Variants in CCDC60 observed in about 807,000 individuals in gnomAD.
The protein encoded by CCDC60 is coiled-coil domain containing 60.
In CCDC60, 54 loss-of-function variants were observed where a neutral mutation model predicts 63.5. The ratio of observed to expected loss-of-function variants is 0.85; its 90% CI spans 0.68 to 1.07. The LOEUF (loss-of-function observed/expected upper bound fraction) is 1.07, where lower values mean the gene tolerates loss of function less well. Ranked by LOEUF, CCDC60 falls within the 50% of genes least tolerant of loss-of-function variation. CCDC60 has a pLI of 0.00. For synonymous variants in CCDC60, 206 were observed against 238.8 expected, an observed-to-expected ratio of 0.86 and a Z score of 1.27; for missense variants, 651 against 684.3, an observed-to-expected ratio of 0.95 and a Z score of 0.54.
At chr12:119,461,662 C>G (rs1950859181) in intron 2 of CCDC60, among the ~76,000 whole-genome samples, 1 of 152,226 alleles carries the variant, frequency 6.6e-6, no homozygotes, top group African/African-American at 2.4e-5. Flanking sequence ...TTTTCCTCCT[C>G]TTGCCTGATG....
chr12:119,471,355 A>G (rs2070694142), intron 2 of CCDC60, among the ~76,000 whole-genome samples: 1 of 152,250 alleles, frequency 6.6e-6, no homozygotes, highest in Admixed American at 6.5e-5. Context: ...AAGAGAGGGC[A>G]GCCTTAGCCA....
intron 7 of CCDC60, among the ~76,000 whole-genome samples, chr12:119,507,060 G>T (rs1952025306): frequency 6.6e-6 from 1 of 152,146 alleles, no homozygotes; most frequent in African/African-American, 2.4e-5. Context: ...AGACAACACT[G>T]GCGGCCAGTG....
At chr12:119,360,285 C>CAGG (rs1266626444) in intron 1 of CCDC60, among the ~76,000 whole-genome samples, 1 of 144,828 alleles carries the variant, frequency 6.9e-6, no homozygotes, top group East Asian at 2.2e-4. Flanking sequence ...GCTGGCCGGG[C>CAGG]AGGGGGCTGA....
At position 119,409,690 on chromosome 12, in the gene CCDC60, G is replaced by A. The variant is rs548417605; in HGVS notation, c.91-18993G>A. 6.6e-5 allele frequency among the ~76,000 whole-genome samples: 10 copies of A among 152,250 alleles called. No individual in the cohort carries two copies. The East Asian group carries it at 1.4e-3, about 21-fold the overall frequency. ...TAATAAAACTTTATTTACAGAAACA[G>A]GCAGGCTTTTCCGTATCTTCTTGGT... is the stretch of plus-strand genomic sequence containing the variant. On this transcript the variant is annotated intron_variant, in intron 1 of 13. Coordinates refer to ENST00000327554, the MANE Select transcript of CCDC60 (RefSeq NM_178499.5).
At chr12:119,509,644 AATGATG>A (rs60115763) in intron 7 of CCDC60, among the ~76,000 whole-genome samples, 41 of 150,934 alleles carry the variant, frequency 2.7e-4, no homozygotes, top group African/African-American at 6.3e-4. Context: ...TTTTCTTTAG[AATGATG>A]ATGATGATGA....
At chr12:119,385,504 G>A (rs1227399332) in intron 1 of CCDC60, among the ~76,000 whole-genome samples, 4 of 152,152 alleles carry the variant, frequency 2.6e-5, no homozygotes, top group East Asian at 1.9e-4. Context: ...CACTTGGCTC[G>A]CATTCTTTCT....
At chr12:119,536,847 T>A (rs1331287035) in intron 13 of CCDC60, among the ~76,000 whole-genome samples, 2 of 152,196 alleles carry the variant, frequency 1.3e-5, no homozygotes, top group East Asian at 3.9e-4. Flanking sequence ...CTTAACATTT[T>A]TTCCTTCATT....
chr12:119,482,843 A>G (rs1342231062), intron 4 of CCDC60, among the ~76,000 whole-genome samples: 2 of 152,026 alleles, frequency 1.3e-5, no homozygotes, highest in African/African-American at 4.8e-5. Context: ...CTGATCTCGA[A>G]TGGTCTCATT....
chr12:119,414,953 T>G (rs1361122188), intron 1 of CCDC60, among the ~76,000 whole-genome samples: 1 of 152,256 alleles, frequency 6.6e-6, no homozygotes, highest in African/African-American at 2.4e-5. Context: ...CATTTCTCCT[T>G]CTGTAAAAGG....
At chr12:119,537,570 T>C (rs1040326735) in intron 13 of CCDC60, among the ~76,000 whole-genome samples, 1 of 152,258 alleles carries the variant, frequency 6.6e-6, no homozygotes, top group African/African-American at 2.4e-5. Flanking sequence ...TGGTCTTTGT[T>C]GGTGGTGACC....
intron 2 of CCDC60, among the ~76,000 whole-genome samples, chr12:119,436,521 C>T (rs945921164): frequency 1.2e-4 from 18 of 147,822 alleles, no homozygotes; most frequent in Middle Eastern, 3.4e-3. Flanking sequence ...GCAAGCGAGT[C>T]CCCTTGAGTG....
chr12:119,364,340 C>A (rs1464056875), intron 1 of CCDC60, among the ~76,000 whole-genome samples: 2 of 152,156 alleles, frequency 1.3e-5, no homozygotes, highest in African/African-American at 4.8e-5. Flanking sequence ...TTTTTATAGT[C>A]CCCAAAAGAC....
Position 119,540,748 on chromosome 12 carries a change from A to G in CCDC60, c.*33A>G, listed in dbSNP as rs1953140753. The G allele has an allele frequency of 1.4e-6, 2 of 1,450,136 alleles. No individual in the cohort carries two copies. The highest frequency in any genetic ancestry group is 1.9e-6 in the Non-Finnish European group (2 of 1,034,236). The allele number at this position is 1,450,136 out of a possible 1,614,324, so 89.8% of individuals were successfully genotyped here. On this transcript the variant is annotated 3_prime_UTR_variant, in exon 14 of 14. Transcript: ENST00000327554. ...CTGGGTTGACCAGCTGTCTCAGTGG[A>G]GGAGTGTTTGCCTATATCATGTTCC...
rs1950747344 is a variant in CCDC60 at position 119,456,215 on chromosome 12, A to G, written c.171-15779A>G. On this transcript the variant is annotated intron_variant, in intron 2 of 13. Coordinates refer to ENST00000327554, the MANE Select transcript of CCDC60 (RefSeq NM_178499.5). This position sits in a 1 kb window ranked among gnomAD's most constrained non-coding sequence, Gnocchi z 4.6. ...CCTGAGAACAGTAGGAAGCCATTAGAGGATTTTGAGCATTAAGATAGGAAT... is the reference window on the plus strand; with the variant it reads ...CCTGAGAACAGTAGGAAGCCATTAGGGGATTTTGAGCATTAAGATAGGAAT... Among the ~76,000 whole-genome samples, 1 of 152,182 alleles carries G rather than the reference A, an allele frequency of 6.6e-6. No homozygotes were observed. The highest frequency in any genetic ancestry group is 2.4e-5 in the African/African-American group (1 of 41,430).
At chr12:119,431,464 C>CAA (rs1376913712) in intron 2 of CCDC60, among the ~76,000 whole-genome samples, 2 of 152,116 alleles carry the variant, frequency 1.3e-5, no homozygotes, top group East Asian at 3.9e-4. Context: ...ACAGGGTCCG[C>CAA]AAAATATCTC....
At chr12:119,415,293 T>G (rs556948984) in intron 1 of CCDC60, among the ~76,000 whole-genome samples, 6 of 152,282 alleles carry the variant, frequency 3.9e-5, no homozygotes, top group African/African-American at 1.4e-4. Flanking sequence ...GAAAGTGAAC[T>G]GATAGCACAA....
intron 1 of CCDC60, among the ~76,000 whole-genome samples, chr12:119,424,765 CTATAAT>C: frequency 6.6e-6 from 1 of 152,124 alleles, no homozygotes; most frequent in South Asian, 2.1e-4. Flanking sequence ...TTAAACAAAA[CTATAAT>C]TATAAAGTTA....
intron 1 of CCDC60, among the ~76,000 whole-genome samples, chr12:119,421,692 T>C (rs1391108466): frequency 3.3e-5 from 5 of 152,116 alleles, no homozygotes; most frequent in African/African-American, 1.2e-4. Context: ...ATTAGTTCCA[T>C]TTCACAGATG....
intron 7 of CCDC60, among the ~76,000 whole-genome samples, chr12:119,509,227 C>A (rs1952141509): frequency 6.6e-6 from 1 of 152,150 alleles, no homozygotes; most frequent in Non-Finnish European, 1.5e-5. Context: ...GTTTAGCATA[C>A]ACAAAAATTT....
Sources: gnomAD v4.1 joint callset for allele counts (sites outside exome capture counted in the v4.1 genomes callset) on GRCh38, gnomAD v4.1.1 for gene constraint, Gnocchi (gnomAD v3.1) non-coding constraint, MANE v1.5 for transcripts, NCBI Gene and HGNC (gene_info 2026-07-23, HGNC 2026-07-21) for gene names.